The following SAP30BP variants were observed in gnomAD, a reference collection of about 807,000 sequenced individuals.
The protein encoded by SAP30BP is SAP30 binding protein, also known as SAP30-binding protein.
A neutral mutation model predicts 46.3 loss-of-function variants in SAP30BP; 31 were observed. The observed-to-expected ratio is 0.67, with a 90% CI of 0.50 to 0.90. The LOEUF is 0.90. Among genes scored for constraint, SAP30BP ranks in the 40% least tolerant of loss-of-function variants. SAP30BP has a pLI of 0.00. For synonymous variants in SAP30BP, 169 were observed against 144.2 expected, an observed-to-expected ratio of 1.17 and a Z score of -1.23; for missense variants, 312 against 391.0, an observed-to-expected ratio of 0.80 and a Z score of 1.70.
At chr17:75,697,247 C>T (rs2060336724) in intron 4 of SAP30BP, among the ~76,000 whole-genome samples, 1 of 152,176 alleles carries the variant, frequency 6.6e-6, no homozygotes, top group African/African-American at 2.4e-5. Flanking sequence ...AGAAGTTAAC[C>T]CTGCTTGTTT....
chr17:75,705,901 C>A, intron 9 of SAP30BP, 107 bp from the exon 10 acceptor site: 2 of 1,496,922 alleles, frequency 1.3e-6, no homozygotes, highest in Admixed American at 1.8e-5. Flanking sequence ...TTTCCAATGC[C>A]TCTTTTGTGT....
chr17:75,670,215 G>A (rs190164817), intron 2 of SAP30BP, among the ~76,000 whole-genome samples: 44 of 152,044 alleles, frequency 2.9e-4, no homozygotes, highest in East Asian at 2.1e-3. Flanking sequence ...CCACCTACTC[G>A]GGAGGCTGAG....
At chr17:75,690,673 G>A in intron 3 of SAP30BP, 1 of 456,578 alleles carries the variant, frequency 2.2e-6, no homozygotes. Context: ...TTCTTTAGGA[G>A]AAGCTCGGCA....
intron 3 of SAP30BP, among the ~76,000 whole-genome samples, chr17:75,685,704 C>G (rs994372831): frequency 1.3e-5 from 2 of 152,200 alleles, no homozygotes; most frequent in Admixed American, 6.5e-5. Flanking sequence ...CAGGCTCCCC[C>G]CAACCCCCCA....
At chr17:75,695,377 G>T (rs967485202) in intron 4 of SAP30BP, among the ~76,000 whole-genome samples, 1 of 152,220 alleles carries the variant, frequency 6.6e-6, no homozygotes, top group African/African-American at 2.4e-5. Context: ...AAGGGAACTA[G>T]TGTTTTTGTC....
chr17:75,703,161 G>A lies in SAP30BP; in HGVS notation c.489-150G>A. On this transcript the variant is annotated intron_variant, in intron 6 of 10. Coordinates refer to ENST00000584667, the MANE Select transcript of SAP30BP (RefSeq NM_013260.8). ...AGCTAACAGGTCCATCTCCCTGGGA[G>A]AGTGGAGGGCCATCAGGAAGCTTGC... The A allele has an allele frequency of 4.4e-6, 3 of 679,022 alleles. No individual in the cohort carries two copies. In the South Asian group the frequency reaches 5.3e-5, roughly 12 times the overall value. The allele number at this position is 679,022 out of a possible 1,614,324, so 42.1% of individuals were successfully genotyped here.
intron 3 of SAP30BP, among the ~76,000 whole-genome samples, chr17:75,691,158 T>C (rs752953677): frequency 1.4e-4 from 21 of 152,130 alleles, no homozygotes; most frequent in Non-Finnish European, 2.9e-4. Context: ...GAGAGTCCTC[T>C]TGTTGCGAGT....
intron 7 of SAP30BP, 109 bp downstream of exon 7, chr17:75,703,480 C>A: frequency 1.1e-6 from 1 of 899,228 alleles, no homozygotes; most frequent in Non-Finnish European, 1.8e-6. Flanking sequence ...TGGCACGGCT[C>A]GTTGAAAGCA....
At chr17:75,692,137 A>T in intron 3 of SAP30BP, 1 of 776,260 alleles carries the variant, frequency 1.3e-6, no homozygotes, top group South Asian at 5.7e-5. Flanking sequence ...AGGTTGAATG[A>T]ATAGCTGCAG....
rs1160141312 is a variant in SAP30BP, at chr17:75,705,719, G to A, written c.661-289G>A. 22 of 1,178,870 alleles carry A rather than the reference G, an allele frequency of 1.9e-5. 1 individual carries two copies. In the South Asian group the frequency reaches 3.4e-4, roughly 18 times the overall value. 73.0% of individuals were successfully genotyped at this position (1,178,870 alleles called of 1,614,324 possible). On this transcript the variant is annotated intron_variant, in intron 9 of 10. Transcript: ENST00000584667. ...GTGAGGAGGAGGGGCCTGGCCAAAC[G>A]GTTCTGGGCATGTGAGGTGGGGCGG...
chr17:75,697,115 T>C (rs1272753094), intron 4 of SAP30BP, among the ~76,000 whole-genome samples: 1 of 152,176 alleles, frequency 6.6e-6, no homozygotes, highest in Admixed American at 6.5e-5. Flanking sequence ...CCCCAGAGTG[T>C]GGCTGGGTTG....
At chr17:75,700,891 T>G (rs1218561387) in intron 5 of SAP30BP, among the ~76,000 whole-genome samples, 2 of 152,166 alleles carry the variant, frequency 1.3e-5, no homozygotes, top group African/African-American at 2.4e-5. Context: ...ACCATGACAT[T>G]CGAGCAAACA....
intron 3 of SAP30BP, among the ~76,000 whole-genome samples, chr17:75,689,762 G>A (rs945429038): frequency 3.2e-4 from 48 of 152,242 alleles, no homozygotes; most frequent in African/African-American, 1.0e-3. Flanking sequence ...CTTTCTTGTT[G>A]CTTTTTGCTT....
chr17:75,688,988 C>T (rs2060202949), intron 3 of SAP30BP, among the ~76,000 whole-genome samples: 1 of 152,070 alleles, frequency 6.6e-6, no homozygotes, highest in Non-Finnish European at 1.5e-5. Context: ...GTTGTTGGGC[C>T]TTTAGTCTCA....
chr17:75,679,819 G>C (rs910399146), intron 3 of SAP30BP: 1 of 152,172 alleles, frequency 6.6e-6, no homozygotes, highest in Non-Finnish European at 1.5e-5. Context: ...AAGAGCAGAC[G>C]TGACAGTCCT....
intron 8 of SAP30BP, 51 bp from the exon 9 acceptor site, chr17:75,704,705 C>T (rs1268196315): frequency 3.6e-6 from 5 of 1,394,322 alleles, no homozygotes; most frequent in Non-Finnish European, 4.1e-6. Flanking sequence ...GCTCCCTCAG[C>T]CCAGAGCTGC....
At chr17:75,672,230 G>GT (rs2059917748) in intron 3 of SAP30BP, 1 of 234,266 alleles carries the variant, frequency 4.3e-6, no homozygotes, top group African/African-American at 2.2e-5. Context: ...GCCGCCTCGC[G>GT]TGCTTTGGGT....
rs1327261847 is a variant in SAP30BP, at chr17:75,706,410, C to T, written c.816C>T (p.Leu272=). 23 of 1,614,068 alleles carry T rather than the reference C, an allele frequency of 1.4e-5. No homozygotes were observed. Among genetic ancestry groups the T allele is most frequent in the Non-Finnish European group, 1.9e-5 (22 of 1,180,050 alleles). ...CAACGATAGCCCAGCCCACCATCCT[C>T]ACCACCACAGCCACCCTGCCAGCTG... is the stretch of plus-strand genomic sequence containing the variant. The part of the protein sequence containing the change: ...PVTTIAQPTI[L]TTTATLPAVV... Residue 272 remains leucine, a synonymous_variant, in exon 11 of 11, where the codon CTC becomes CTT. Transcript: ENST00000584667. The surrounding 1 kb of genome is among the most constrained non-coding windows in gnomAD (Gnocchi z 4.6).
At chr17:75,685,985 C>G (rs1481867722) in intron 3 of SAP30BP, among the ~76,000 whole-genome samples, 1 of 152,184 alleles carries the variant, frequency 6.6e-6, no homozygotes, top group African/African-American at 2.4e-5. Context: ...TAACAAAAGT[C>G]CCCCTTGGAA....
Sources: allele counts gnomAD v4.1 joint callset (sites outside exome capture counted in the v4.1 genomes callset), GRCh38; gene constraint gnomAD v4.1.1; non-coding constraint Gnocchi (gnomAD v3.1); transcripts MANE v1.5; gene names NCBI Gene and HGNC (gene_info 2026-07-23, HGNC 2026-07-21).